SLC15A2: variants seen among roughly 807,000 people sequenced by gnomAD.
The protein encoded by SLC15A2 is kidney H(+)/peptide cotransporter.
Under a neutral mutation model 95.5 loss-of-function variants are expected in SLC15A2, and 77 were observed. That is an observed-to-expected ratio of 0.81 (90% confidence interval 0.67 to 0.97). SLC15A2 has a LOEUF of 0.97. SLC15A2 is among the 50% of genes least tolerant of loss of function. The pLI, the probability that SLC15A2 is intolerant of heterozygous loss-of-function variation, is 0.00. For synonymous variants in SLC15A2, 306 were observed against 306.9 expected (o/e 1.00, Z 0.03); for missense variants, 893 against 874.4 (o/e 1.02, Z -0.27).
At chr3:121,905,594 AT>A (rs1468839732) in intron 3 of SLC15A2, among the ~76,000 whole-genome samples, 5 of 152,030 alleles carry the variant, frequency 3.3e-5, no homozygotes, top group African/African-American at 1.2e-4. Flanking sequence ...TTCTGCCTTC[AT>A]TTTGTTATTT....
intron 13 of SLC15A2, among the ~76,000 whole-genome samples, chr3:121,926,023 G>T (rs1710115126): frequency 6.6e-6 from 1 of 151,898 alleles, no homozygotes; most frequent in Non-Finnish European, 1.5e-5. Flanking sequence ...AAAGATGGAG[G>T]TGGGTAAATG....
intron 1 of SLC15A2, chr3:121,895,349 A>G (rs1709397086): frequency 1.3e-5 from 2 of 152,194 alleles, no homozygotes; most frequent in African/African-American, 4.8e-5. Context: ...AGATTGCATA[A>G]TTCTCAAGCT....
chr3:121,915,410 T>C, intron 6 of SLC15A2, 93 bp downstream of exon 6: 1 of 902,652 alleles, frequency 1.1e-6, no homozygotes, highest in East Asian at 2.4e-5. Context: ...TCTCCTTTTA[T>C]AAGAGCTTGA....
intron 17 of SLC15A2, among the ~76,000 whole-genome samples, chr3:121,930,145 G>A (rs944964258): frequency 3.7e-4 from 56 of 152,182 alleles, no homozygotes; most frequent in Non-Finnish European, 7.9e-4. Context: ...CTAAAGTCTA[G>A]GAATCAACAT....
chr3:121,922,404 C>T (rs1710024508), intron 8 of SLC15A2, 102 bp downstream of exon 8: 3 of 826,116 alleles, frequency 3.6e-6, no homozygotes, highest in Admixed American at 4.8e-5. Context: ...TTCTCAATGA[C>T]CTCTATTCTA....
intron 1 of SLC15A2, 89 bp from the exon 2 acceptor site, chr3:121,896,317 A>C: frequency 9.8e-7 from 1 of 1,024,696 alleles, no homozygotes; most frequent in Non-Finnish European, 1.6e-6. Flanking sequence ...ATGATTTGAA[A>C]TAAATGAATT....
At chr3:121,903,038 T>C (rs1156963427) in intron 3 of SLC15A2, among the ~76,000 whole-genome samples, 2 of 152,212 alleles carry the variant, frequency 1.3e-5, no homozygotes, top group Admixed American at 6.5e-5. Flanking sequence ...TTTTTAATGA[T>C]TGCCATTCTA....
intron 7 of SLC15A2, among the ~76,000 whole-genome samples, chr3:121,919,439 TAGCCGTCTGTGA>T (rs1416280916): frequency 6.6e-6 from 1 of 152,202 alleles, no homozygotes; most frequent in Non-Finnish European, 1.5e-5. Flanking sequence ...CCGAAGTAGG[TAGCCGTCTGTGA>T]GGCTTAGTGT....
intron 13 of SLC15A2, 55 bp downstream of exon 13, chr3:121,925,088 A>G: frequency 2.5e-6 from 3 of 1,202,680 alleles, no homozygotes; most frequent in African/African-American, 3.0e-5. Flanking sequence ...GTCTTTGCCC[A>G]GTTTGAAAAA....
chr3:121,932,930 G>A (rs970976749), intron 19 of SLC15A2, among the ~76,000 whole-genome samples: 1 of 151,892 alleles, frequency 6.6e-6, no homozygotes, highest in Non-Finnish European at 1.5e-5. Context: ...CCCCACAACA[G>A]TCCCCAGAGT....
At chr3:121,899,167 G>C (rs1709475882) in intron 3 of SLC15A2, among the ~76,000 whole-genome samples, 1 of 152,136 alleles carries the variant, frequency 6.6e-6, no homozygotes. Context: ...GATTTGGTGA[G>C]CAATTGTTTC....
At chr3:121,936,289 T>C (rs1167950285) in intron 19 of SLC15A2, among the ~76,000 whole-genome samples, 1 of 152,188 alleles carries the variant, frequency 6.6e-6, no homozygotes, top group Non-Finnish European at 1.5e-5. Flanking sequence ...GTCTGCTTGG[T>C]GCAGAGCTGA....
Position 121,913,221 on chromosome 3 carries a change from C to A in SLC15A2, c.528+101C>A, listed in dbSNP as rs1709809996. ...GCCAAGATTGAAGTAATGTACTGGTCAGATCTTATCTGAGCAGTTGTATTC... is the reference window on the plus strand; with the variant it reads ...GCCAAGATTGAAGTAATGTACTGGTAAGATCTTATCTGAGCAGTTGTATTC... On this transcript the variant is annotated intron_variant, in intron 5 of 21. Coordinates refer to ENST00000489711, the MANE Select transcript of SLC15A2 (RefSeq NM_021082.4). The A allele has an allele frequency of 4.9e-6, 4 of 820,232 alleles. No individual in the cohort carries two copies. The Admixed American group carries it at 7.7e-5, about 16-fold the overall frequency. The allele number at this position is 820,232 out of a possible 1,614,324, so 50.8% of individuals were successfully genotyped here.
At position 121,939,380 on chromosome 3, in the gene SLC15A2, T is replaced by C. The variant is rs756740849; in HGVS notation, c.1793T>C (p.Ile598Thr). Reference protein sequence around the residue: ...NTNQGLQAWKIEDIPANKMSI... With the variant: ...NTNQGLQAWKTEDIPANKMSI... ...AATCAGGGTCTTCAGGCCTGGAAGA[T>C]TGAAGACATTCCAGCCAACAAAATG... Residue 598 changes from isoleucine to threonine, a missense_variant, in exon 20 of 22, where the codon ATT becomes ACT. Ile to Thr is a moderately conservative substitution (Grantham distance 89). Coordinates refer to ENST00000489711, the MANE Select transcript of SLC15A2 (RefSeq NM_021082.4). 30 of 1,573,768 alleles carry C rather than the reference T, an allele frequency of 1.9e-5. No homozygotes were observed. Among genetic ancestry groups the C allele is most frequent in the East Asian group, 1.7e-4 (7 of 41,846 alleles).
In SLC15A2 at chr3:121,944,164, A is replaced by G. The variant is rs1041424510; in HGVS notation, c.*3157A>G. ...ATAGAGTTTTTCTTAACATTTGCAT[A>G]TTAAAGACTCTGACTATATATGGAC... On this transcript the variant is annotated 3_prime_UTR_variant, in exon 22 of 22. Transcript: ENST00000489711. 1.2e-4 allele frequency: 19 copies of G among 152,364 alleles called. No individual in the cohort carries two copies. The highest frequency in any genetic ancestry group is 4.3e-4 in the African/African-American group (18 of 41,588). The allele number at this position is 152,364 out of a possible 1,614,324, so 9.4% of individuals were successfully genotyped here.
intron 13 of SLC15A2, among the ~76,000 whole-genome samples, chr3:121,925,775 T>TAA (rs1710108695): frequency 2.5e-5 from 1 of 39,732 alleles, no homozygotes; most frequent in Non-Finnish European, 4.6e-5. Context: ...TATATATATA[T>TAA]ATATATAAAA....
Position 121,928,804 on chromosome 3 carries a change from G to A in SLC15A2, c.1342-178G>A, listed in dbSNP as rs75610304. 5.4e-3 allele frequency among the ~76,000 whole-genome samples: 824 copies of A among 152,132 alleles called. 8 individuals carry two copies. The East Asian group carries it at 0.056, about 10-fold the overall frequency. On this transcript the variant is annotated intron_variant, in intron 15 of 21. Transcript: ENST00000489711. ...AACATTCTTATTCATAAATATTTAT[G>A]CATGGCTCTGATTATTTCTTAGGGT...
chr3:121,939,677 G>A (rs528860035), intron 20 of SLC15A2, among the ~76,000 whole-genome samples, 182 bp downstream of exon 20: 6 of 152,236 alleles, frequency 3.9e-5, no homozygotes, highest in African/African-American at 1.4e-4. Context: ...CAGCATGGGA[G>A]TCTATGATTT....
chr3:121,930,875 C>T lies in SLC15A2; in HGVS notation c.1589C>T (p.Ser530Phe), dbSNP rs776929751. 1.5e-5 allele frequency: 25 copies of T among 1,613,186 alleles called. No individual in the cohort carries two copies. The highest frequency in any genetic ancestry group is 2.1e-5 in the Non-Finnish European group (25 of 1,179,302). The stretch of plus-strand genomic sequence containing the variant: ...ACTTTGCATAAAGATGTCAACATCT[C>T]CCTGAGTACAGATACCTCTCTCAAT... ...VNTLHKDVNI[S>F]LSTDTSLNVG... Residue 530 changes from serine (S) to phenylalanine (F), a missense_variant, in exon 18 of 22, where the codon TCC (serine) becomes TTC (phenylalanine). Physicochemically the swap from Ser to Phe is radical, Grantham distance 155. Coordinates refer to ENST00000489711, the MANE Select transcript of SLC15A2 (RefSeq NM_021082.4).
Sources: allele counts gnomAD v4.1 joint callset (sites outside exome capture counted in the v4.1 genomes callset), GRCh38; gene constraint gnomAD v4.1.1; transcripts MANE v1.5; gene names NCBI Gene and HGNC (gene_info 2026-07-23, HGNC 2026-07-21).